Variants in PTH2R observed in about 807,000 individuals in gnomAD.
PTH2R encodes parathyroid hormone 2 receptor.
Under a neutral mutation model 60.3 loss-of-function variants are expected in PTH2R, and 59 were observed. The ratio of observed to expected loss-of-function variants is 0.98; its 90% CI spans 0.79 to 1.22. PTH2R has a LOEUF of 1.22. PTH2R is among the 50% of genes most tolerant of loss of function. The probability of loss-of-function intolerance (pLI) is 0.00; values close to 1 mark genes in which losing one functional copy is unlikely to be tolerated. For missense variants in PTH2R, 749 were observed against 682.6 expected (o/e 1.10, Z -1.08); for synonymous variants, 256 against 243.8 (o/e 1.05, Z -0.47).
intron 8 of PTH2R, among the ~76,000 whole-genome samples, chr2:208,458,690 A>G (rs998888636): frequency 6.6e-6 from 1 of 152,146 alleles, no homozygotes; most frequent in Non-Finnish European, 1.5e-5. Context: ...ATAAGTGAGA[A>G]CACGTGGTAT....
At chr2:208,480,923 C>A in intron 9 of PTH2R, 147 bp from the exon 10 acceptor site, 1 of 586,116 alleles carries the variant, frequency 1.7e-6, no homozygotes, top group Non-Finnish European at 3.0e-6. Context: ...CACTAGCCTT[C>A]CAATATCTGA....
Position 208,490,776 on chromosome 2 carries a change from G to A in PTH2R, c.1257+96G>A, listed in dbSNP as rs1051493011. On this transcript the variant is annotated intron_variant, in intron 12 of 12. Coordinates refer to ENST00000272847, the MANE Select transcript of PTH2R (RefSeq NM_005048.4). ...TCTTTAGAATTTCCAGGATTTCCAG[G>A]ATGGAATGGGTGAGGAGAAGGAAGC... The A allele has an allele frequency of 1.3e-5, 16 of 1,191,118 alleles. No individual in the cohort carries two copies. The African/African-American group carries it at 2.5e-4, about 19-fold the overall frequency. 73.8% of individuals were successfully genotyped at this position (1,191,118 alleles called of 1,614,324 possible).
chr2:208,397,005 C>T (rs1485634393), intron 1 of PTH2R, among the ~76,000 whole-genome samples: 9 of 152,010 alleles, frequency 5.9e-5, no homozygotes, highest in East Asian at 3.9e-4. Flanking sequence ...TGTCCTTTGC[C>T]GGGACATGGA....
chr2:208,431,247 C>T (rs1701965856), intron 2 of PTH2R, among the ~76,000 whole-genome samples: 1 of 152,070 alleles, frequency 6.6e-6, no homozygotes, highest in African/African-American at 2.4e-5. Context: ...TTTTTATTTT[C>T]TGAAGTCTTC....
chr2:208,364,841 C>T (rs2125865603), intron 1 of PTH2R, among the ~76,000 whole-genome samples: 1 of 151,124 alleles, frequency 6.6e-6, no homozygotes, highest in South Asian at 2.1e-4. Flanking sequence ...TGATTTCTTT[C>T]AGTAATGTTT....
chr2:208,442,563 TG>T (rs1317360196), intron 5 of PTH2R, 102 bp downstream of exon 5: 1 of 885,120 alleles, frequency 1.1e-6, no homozygotes, highest in East Asian at 2.4e-5. Context: ...TTTCCTCAAA[TG>T]CAAGTTTTTG....
At position 208,491,584 on chromosome 2, in the gene PTH2R, G is replaced by C. The variant is rs570717181; in HGVS notation, c.1257+904G>C. ...CTTATCACAGGCTTGGACTGCTTCT[G>C]TATCTCTTTGTCTTGCTTATCTGGG... On this transcript the variant is annotated intron_variant, in intron 12 of 12. Transcript: ENST00000272847. Among the ~76,000 whole-genome samples, 37 of 152,174 alleles carry C rather than the reference G, an allele frequency of 2.4e-4. 1 individual carries two copies. Among genetic ancestry groups the C allele is most frequent in the African/African-American group, 8.9e-4 (37 of 41,504 alleles).
At position 208,444,495 on chromosome 2, in the gene PTH2R, AT is replaced by A. The variant is rs560306992; in HGVS notation, c.700-232del. Among the ~76,000 whole-genome samples, 706 of 152,248 alleles carry A rather than the reference AT, an allele frequency of 4.6e-3. 7 individuals carry two copies. Among genetic ancestry groups the A allele is most frequent in the African/African-American group, 0.016 (666 of 41,546 alleles). On this transcript the variant is annotated intron_variant, in intron 6 of 12. Coordinates refer to ENST00000272847, the MANE Select transcript of PTH2R (RefSeq NM_005048.4). Reference sequence around the variant, plus strand: ...AAAGTGAAAAAATTGAGAAAAGGTGATTTTTTTGGTAACTTCTTAAAGAAAA... The same window carrying A: ...AAAGTGAAAAAATTGAGAAAAGGTGATTTTTTGGTAACTTCTTAAAGAAAA...
rs573457846 is a variant in PTH2R at position 208,401,002 on chromosome 2, A to G, written c.-258-27199A>G. Among the ~76,000 whole-genome samples the G allele has an allele frequency of 7.2e-5, 11 of 152,342 alleles. No individual in the cohort carries two copies. In the South Asian group the frequency reaches 2.3e-3, roughly 32 times the overall value. On this transcript the variant is annotated intron_variant, in intron 1 of 12. Transcript: ENST00000617735. ...GTTCTAGAATAGAAACCAACTGGGTATGATACATGAGAGTTAGTAGACATA... is the reference window on the plus strand; with the variant it reads ...GTTCTAGAATAGAAACCAACTGGGTGTGATACATGAGAGTTAGTAGACATA...
intron 1 of PTH2R, chr2:208,360,842 A>G (rs997659254): frequency 1.2e-5 from 2 of 160,218 alleles, no homozygotes; most frequent in Non-Finnish European, 2.7e-5. Context: ...TCAGCACCCC[A>G]AAGGGTATGT....
chr2:208,489,045 A>G lies in PTH2R; in HGVS notation c.1110A>G (p.Leu370=). 2 of 1,613,966 alleles carry G rather than the reference A, an allele frequency of 1.2e-6. No individual in the cohort carries two copies. Among genetic ancestry groups the G allele is most frequent in the Middle Eastern group, 3.3e-4 (2 of 6,060 alleles). The change falls in exon 11 of 13, where the codon CTA becomes CTG. Residue 370 remains leucine (L), a synonymous_variant. Transcript: ENST00000272847. ...CCAAATCGACACTGGTCCTGGTCCT[A>G]GTCTTTGGAGTGCATTACATCGTGT... ...KLAKSTLVLV[L]VFGVHYIVFV...
At chr2:208,399,215 A>G (rs1029699935) in intron 1 of PTH2R, among the ~76,000 whole-genome samples, 1 of 152,136 alleles carries the variant, frequency 6.6e-6, no homozygotes, top group Non-Finnish European at 1.5e-5. Context: ...ATTCCTAGTA[A>G]ATACTTAGTG....
At chr2:208,444,680 AT>A (rs1702252723) in intron 6 of PTH2R, 53 bp from the exon 7 acceptor site, 1 of 1,539,902 alleles carries the variant, frequency 6.5e-7, no homozygotes, top group South Asian at 1.2e-5. Context: ...TAATGTTGGC[AT>A]CCAGTACAAC....
chr2:208,417,789 A>T (rs867393401), intron 1 of PTH2R, among the ~76,000 whole-genome samples: 1 of 152,130 alleles, frequency 6.6e-6, no homozygotes, highest in East Asian at 1.9e-4. Context: ...GAAAAGCTAC[A>T]TAGAAAATCC....
At chr2:208,425,886 G>A (rs1003342171) in intron 1 of PTH2R, among the ~76,000 whole-genome samples, 3 of 152,178 alleles carry the variant, frequency 2.0e-5, no homozygotes, top group East Asian at 1.9e-4. Context: ...TTACCACCAT[G>A]TTGTCTTCCA....
At chr2:208,480,132 T>G (rs1703112665) in intron 9 of PTH2R, among the ~76,000 whole-genome samples, 1 of 152,210 alleles carries the variant, frequency 6.6e-6, no homozygotes, top group South Asian at 2.1e-4. Flanking sequence ...AATTTGGGAC[T>G]GAGGTGCACA....
intron 1 of PTH2R, among the ~76,000 whole-genome samples, chr2:208,383,631 T>C (rs1700953666): frequency 6.6e-6 from 1 of 152,238 alleles, no homozygotes; most frequent in African/African-American, 2.4e-5. Context: ...CTCTTCTGTC[T>C]TGTAAATGAT....
intron 1 of PTH2R, among the ~76,000 whole-genome samples, chr2:208,379,301 A>G (rs1700867869): frequency 6.6e-6 from 1 of 152,174 alleles, no homozygotes; most frequent in Non-Finnish European, 1.5e-5. Context: ...CAAAAGAGTC[A>G]GGGTAAATGT....
At chr2:208,472,648 CATTA>C (rs1277035489) in intron 9 of PTH2R, among the ~76,000 whole-genome samples, 1 of 152,158 alleles carries the variant, frequency 6.6e-6, no homozygotes, top group Admixed American at 6.5e-5. Flanking sequence ...ACTGTAAGTC[CATTA>C]AACCTTTTTT....
Sources: allele counts gnomAD v4.1 joint callset (sites outside exome capture counted in the v4.1 genomes callset), GRCh38; gene constraint gnomAD v4.1.1; transcripts MANE v1.5; gene names NCBI Gene and HGNC (gene_info 2026-07-23, HGNC 2026-07-21).